Variants in EDC3 observed in about 807,000 individuals in gnomAD.
EDC3 encodes enhancer of mRNA-decapping protein 3.
Under a neutral mutation model 41.8 loss-of-function variants are expected in EDC3, and 20 were observed. That is an observed-to-expected ratio of 0.48 (90% confidence interval 0.34 to 0.70). The LOEUF is 0.70. Ranked by LOEUF, EDC3 falls within the 30% of genes least tolerant of loss-of-function variation. The probability of loss-of-function intolerance (pLI) is 0.01; values close to 1 mark genes in which losing one functional copy is unlikely to be tolerated. For missense variants in EDC3, 444 were observed against 636.8 expected (o/e 0.70, Z 3.26); for synonymous variants, 206 against 243.2 (o/e 0.85, Z 1.42).
chr15:74,647,150 C>T (rs907588089), intron 4 of EDC3, among the ~76,000 whole-genome samples: 1 of 152,048 alleles, frequency 6.6e-6, no homozygotes, highest in South Asian at 2.1e-4. Flanking sequence ...GCTGGAACTA[C>T]AGGCATGTGC....
At position 74,674,980 on chromosome 15, in the gene EDC3, C is replaced by A. The variant is rs2062785772; in HGVS notation, c.145G>T (p.Val49Phe). ...ACTCACCTGAAGGTGACTTCTGGAA[C>A]AAGACACTTCACTCCATTATGGAAA... is the stretch of plus-strand genomic sequence containing the variant. Reference protein sequence around the residue: ...RPFHNGVKCLVPEVTFRAGDI... With the variant: ...RPFHNGVKCLFPEVTFRAGDI... The change falls in exon 2 of 7, where the codon GTT (valine) becomes TTT (phenylalanine). Residue 49 changes from valine (V) to phenylalanine (F), a missense_variant. Around this residue, in one of 3 missense-constraint regions of EDC3, gnomAD observed 200 missense variants for 244.0 expected, o/e 0.82. Coordinates refer to ENST00000315127, the MANE Select transcript of EDC3 (RefSeq NM_025083.5). 2 of 1,614,024 alleles carry A rather than the reference C, an allele frequency of 1.2e-6. No individual in the cohort carries two copies. The highest frequency in any genetic ancestry group is 1.7e-6 in the Non-Finnish European group (2 of 1,180,040).
At chr15:74,684,452 T>C (rs1286313470) in intron 1 of EDC3, among the ~76,000 whole-genome samples, 2 of 131,782 alleles carry the variant, frequency 1.5e-5, no homozygotes, top group African/African-American at 5.8e-5. Flanking sequence ...AGGCATGGGC[T>C]ACCATGCCCA....
rs1241482846 is a variant in EDC3 at position 74,632,285 on chromosome 15, G to A, written c.*327C>T. On this transcript the variant is annotated 3_prime_UTR_variant, in exon 7 of 7. Transcript: ENST00000315127. This position sits in a 1 kb window ranked among gnomAD's most constrained non-coding sequence, Gnocchi z 4.0. Reference sequence around the variant, plus strand: ...GCCCACTCTTCAATGTGTGTGCCCAGGCCCAGTGGCTGTAAACCTGAAACA... The same window carrying A: ...GCCCACTCTTCAATGTGTGTGCCCAAGCCCAGTGGCTGTAAACCTGAAACA... 3.5e-5 allele frequency: 13 copies of A among 367,498 alleles called. 1 individual carries two copies. The East Asian group carries it at 7.2e-4, about 20-fold the overall frequency. The allele number at this position is 367,498 out of a possible 1,614,324, so 22.8% of individuals were successfully genotyped here.
chr15:74,690,881 T>C (rs1023448639), intron 1 of EDC3, among the ~76,000 whole-genome samples: 16 of 151,486 alleles, frequency 1.1e-4, no homozygotes, highest in African/African-American at 3.9e-4. Flanking sequence ...GAAAAGAGAA[T>C]AAAATTCTGA....
chr15:74,660,453 A>G (rs534463062), intron 3 of EDC3, among the ~76,000 whole-genome samples: 282 of 150,886 alleles, frequency 1.9e-3, no homozygotes, highest in Non-Finnish European at 2.9e-3. Context: ...GTGTGTGTGT[A>G]TATGAAAATA....
At chr15:74,637,215 C>A (rs1326038081) in intron 5 of EDC3, 2 of 152,244 alleles carry the variant, frequency 1.3e-5, no homozygotes, top group Non-Finnish European at 2.9e-5. Flanking sequence ...TTCTCAACAT[C>A]AGCAACTGCT....
chr15:74,693,773 C>CG (rs1364692484), intron 1 of EDC3, among the ~76,000 whole-genome samples: 1 of 152,026 alleles, frequency 6.6e-6, no homozygotes, highest in Non-Finnish European at 1.5e-5. Context: ...CACCTGAGGT[C>CG]GGGAGTTCGA....
intron 4 of EDC3, among the ~76,000 whole-genome samples, chr15:74,652,657 T>C (rs376682830): frequency 2.0e-5 from 3 of 151,762 alleles, no homozygotes; most frequent in Non-Finnish European, 2.9e-5. Flanking sequence ...CTTTGGCTCA[T>C]TGCAGCCGCA....
chr15:74,647,390 G>A (rs2062430671), intron 4 of EDC3, among the ~76,000 whole-genome samples: 1 of 152,080 alleles, frequency 6.6e-6, no homozygotes, highest in African/African-American at 2.4e-5. Context: ...ACATTAGCAG[G>A]GACCAGTGCA....
chr15:74,682,475 G>A (rs554911149), intron 1 of EDC3, among the ~76,000 whole-genome samples: 24 of 151,738 alleles, frequency 1.6e-4, no homozygotes, highest in African/African-American at 3.6e-4. Flanking sequence ...AAAATTAGCC[G>A]GGCATGGTGG....
chr15:74,674,897 A>G, intron 2 of EDC3, 64 bp downstream of exon 2: 1 of 1,577,630 alleles, frequency 6.3e-7, no homozygotes. Context: ...ACTAGCAATC[A>G]GACCTAGGTT....
chr15:74,666,233 A>G (rs1039654844), intron 3 of EDC3, among the ~76,000 whole-genome samples: 5 of 152,188 alleles, frequency 3.3e-5, no homozygotes, highest in African/African-American at 9.7e-5. Flanking sequence ...TCTACCTTCT[A>G]TCAGAAACCT....
At chr15:74,645,163 A>G (rs2062398239) in intron 4 of EDC3, 1 of 152,240 alleles carries the variant, frequency 6.6e-6, no homozygotes, top group Non-Finnish European at 1.5e-5. Context: ...AGGAAACAGA[A>G]GAGATATGAC....
Position 74,632,885 on chromosome 15 carries a change from G to C in EDC3, c.1254C>G (p.Phe418Leu). Reference sequence around the variant, plus strand: ...CCTTGTACCAGGGTTGATCGCGCAGGAAGACGTTCTCAGGGCAATCCAGGC... The same window carrying C: ...CCTTGTACCAGGGTTGATCGCGCAGCAAGACGTTCTCAGGGCAATCCAGGC... ...INCLDCPENV[F>L]LRDQPWYKAA... Residue 418 changes from phenylalanine to leucine, a missense_variant, in exon 7 of 7, where the codon TTC (phenylalanine) becomes TTG (leucine). By Grantham distance (22) the Phe-to-Leu change is conservative. Coordinates refer to ENST00000315127, the MANE Select transcript of EDC3 (RefSeq NM_025083.5). The surrounding 1 kb of genome is among the most constrained non-coding windows in gnomAD (Gnocchi z 4.0). 1.9e-6 allele frequency: 3 copies of C among 1,614,244 alleles called. No individual in the cohort carries two copies. The highest frequency in any genetic ancestry group is 2.5e-6 in the Non-Finnish European group (3 of 1,180,040).
intron 1 of EDC3, chr15:74,676,955 G>A (rs542311435): frequency 3.9e-5 from 6 of 152,268 alleles, no homozygotes; most frequent in South Asian, 4.1e-4. Context: ...CAGAATGGCC[G>A]AAATCCAAAA....
intron 1 of EDC3, among the ~76,000 whole-genome samples, chr15:74,678,426 C>A (rs373924373): frequency 6.6e-5 from 10 of 152,254 alleles, no homozygotes; most frequent in Admixed American, 2.6e-4. Flanking sequence ...ATAGAAAAAA[C>A]CAAATTGATT....
chr15:74,649,290 T>C (rs2062453779), intron 4 of EDC3, among the ~76,000 whole-genome samples: 1 of 151,982 alleles, frequency 6.6e-6, no homozygotes, highest in African/African-American at 2.4e-5. Context: ...CCCTGGCTAA[T>C]TTTTTATTTT....
At chr15:74,686,667 C>T (rs2141680222) in intron 1 of EDC3, among the ~76,000 whole-genome samples, 1 of 152,148 alleles carries the variant, frequency 6.6e-6, no homozygotes, top group East Asian at 1.9e-4. Context: ...GTAATCCCAG[C>T]TATTTAGGAG....
chr15:74,668,036 A>C (rs2062696779), intron 3 of EDC3, among the ~76,000 whole-genome samples: 1 of 152,226 alleles, frequency 6.6e-6, no homozygotes, highest in Non-Finnish European at 1.5e-5. Flanking sequence ...ACTTGACACA[A>C]GGTGATGAAA....
Sources: gnomAD v4.1 joint callset for allele counts (sites outside exome capture counted in the v4.1 genomes callset) on GRCh38, gnomAD v4.1.1 for gene constraint, gnomAD v4.1.1 regional missense constraint, Gnocchi (gnomAD v3.1) non-coding constraint, MANE v1.5 for transcripts, NCBI Gene and HGNC (gene_info 2026-07-23, HGNC 2026-07-21) for gene names.